The following RIMS1 variants were observed in gnomAD, a reference collection of about 807,000 sequenced individuals.
RIMS1 encodes regulating synaptic membrane exocytosis 1, also known as regulating synaptic membrane exocytosis protein 1.
RIMS1 carries 83 observed loss-of-function variants against 214.1 expected under a neutral mutation model. The ratio of observed to expected loss-of-function variants is 0.39; its 90% CI spans 0.32 to 0.47. The LOEUF is 0.47. RIMS1 is among the 20% of genes least tolerant of loss of function. RIMS1 has a pLI of 0.99. For synonymous variants in RIMS1, 793 were observed against 786.8 expected (o/e 1.01, Z -0.13); for missense variants, 2,050 against 2,161.8 (o/e 0.95, Z 1.03).
At chr6:72,309,098 G>C (rs79847700) in intron 27 of RIMS1, among the ~76,000 whole-genome samples, 14,705 of 152,112 alleles carry the variant, frequency 0.097, 839 homozygotes, top group Non-Finnish European at 0.14. Context: ...AGGAGAGGTA[G>C]AGCCAGTATA....
chr6:72,266,063 A>G lies in RIMS1; in HGVS notation c.3398+14A>G. 1 of 1,534,534 alleles carries G rather than the reference A, an allele frequency of 6.5e-7. No homozygotes were observed. The highest frequency in any genetic ancestry group is 1.2e-5 in the South Asian group (1 of 83,986). The stretch of plus-strand genomic sequence containing the variant: ...AGAACGAGAAAGGTATAAAATAAAG[A>G]CTTTCTTAATTTCTTATCATTTGTA... On this transcript the variant is annotated intron_variant, in intron 22 of 33. Transcript: ENST00000521978.
intron 5 of RIMS1, among the ~76,000 whole-genome samples, chr6:72,181,663 T>C (rs916178044): frequency 2.0e-5 from 3 of 152,146 alleles, no homozygotes; most frequent in Non-Finnish European, 4.4e-5. Context: ...AATGAGGAAT[T>C]GGGAAGTACA....
chr6:72,237,943 A>C (rs754824808), intron 9 of RIMS1, 21 bp downstream of exon 9: 8 of 1,541,560 alleles, frequency 5.2e-6, no homozygotes, highest in Non-Finnish European at 7.1e-6. Flanking sequence ...TTTTTTTAAT[A>C]TTTAAACAGT....
chr6:72,377,935 T>C (rs2098419503), intron 29 of RIMS1, among the ~76,000 whole-genome samples: 1 of 151,788 alleles, frequency 6.6e-6, no homozygotes, highest in African/African-American at 2.4e-5. Flanking sequence ...TTCTAAGTGT[T>C]TACCTCACCC....
intron 1 of RIMS1, among the ~76,000 whole-genome samples, chr6:71,954,903 G>A (rs2151177949): frequency 6.7e-6 from 1 of 148,712 alleles, no homozygotes; most frequent in African/African-American, 2.5e-5. Flanking sequence ...ACCTAGAGGT[G>A]ACTACTTTCT....
chr6:72,108,918 T>G (rs1053245402), intron 4 of RIMS1, among the ~76,000 whole-genome samples: 2 of 146,522 alleles, frequency 1.4e-5, no homozygotes, highest in Non-Finnish European at 3.0e-5. Flanking sequence ...TTCTCATTGT[T>G]CAGTTCCTAC....
chr6:72,099,399 A>G (rs2032946540), intron 3 of RIMS1, among the ~76,000 whole-genome samples: 2 of 152,186 alleles, frequency 1.3e-5, no homozygotes, highest in African/African-American at 4.8e-5. Context: ...AGACAAAAAC[A>G]TTGTATAAAG....
chr6:72,072,038 T>G (rs1179234884), intron 2 of RIMS1, among the ~76,000 whole-genome samples: 1 of 152,164 alleles, frequency 6.6e-6, no homozygotes, highest in Non-Finnish European at 1.5e-5. Context: ...TACTAATTAT[T>G]GTAAAGATGG....
At chr6:72,135,793 T>G (rs898419680) in intron 4 of RIMS1, among the ~76,000 whole-genome samples, 1 of 152,166 alleles carries the variant, frequency 6.6e-6, no homozygotes, top group Non-Finnish European at 1.5e-5. Context: ...ATTCTGCACA[T>G]GTGTAAGATG....
At chr6:72,211,193 C>G (rs2463731) in intron 6 of RIMS1, among the ~76,000 whole-genome samples, 80,519 of 151,966 alleles carry the variant, frequency 0.53, 23,185 homozygotes, top group East Asian at 0.83. Context: ...TATATTTGCC[C>G]TCTTCTGTCC....
chr6:72,217,920 C>T (rs375294902), intron 6 of RIMS1, among the ~76,000 whole-genome samples: 4 of 152,076 alleles, frequency 2.6e-5, no homozygotes, highest in African/African-American at 9.7e-5. Flanking sequence ...CCCCTTCTGG[C>T]CCTTGTTTCC....
intron 26 of RIMS1, among the ~76,000 whole-genome samples, chr6:72,299,271 A>G (rs2094394942): frequency 6.6e-6 from 1 of 151,948 alleles, no homozygotes; most frequent in Non-Finnish European, 1.5e-5. Context: ...CTTGGAAGCA[A>G]TTTTGAATCA....
chr6:72,283,052 C>T (rs1055282978), intron 23 of RIMS1, among the ~76,000 whole-genome samples: 12 of 151,768 alleles, frequency 7.9e-5, no homozygotes, highest in African/African-American at 2.9e-4. Context: ...TTGGTATATA[C>T]TAGATACTTA....
At chr6:72,256,573 G>T (rs2075963136) in intron 16 of RIMS1, among the ~76,000 whole-genome samples, 1 of 151,788 alleles carries the variant, frequency 6.6e-6, no homozygotes, top group South Asian at 2.1e-4. Context: ...TCTCGAAATA[G>T]GGCTCATAAG....
At chr6:72,012,308 C>T (rs1214603636) in intron 2 of RIMS1, among the ~76,000 whole-genome samples, 1 of 151,834 alleles carries the variant, frequency 6.6e-6, no homozygotes, top group South Asian at 2.1e-4. Context: ...GGAAGGGGAA[C>T]ATGACACACT....
intron 4 of RIMS1, among the ~76,000 whole-genome samples, chr6:72,108,710 A>T (rs563545063): frequency 1.3e-4 from 19 of 151,336 alleles, no homozygotes; most frequent in Admixed American, 3.9e-4. Context: ...TTATTTTATT[A>T]TTATTATACT....
intron 2 of RIMS1, among the ~76,000 whole-genome samples, chr6:72,086,208 T>C (rs1176162656): frequency 6.6e-6 from 1 of 152,150 alleles, no homozygotes; most frequent in Non-Finnish European, 1.5e-5. Flanking sequence ...CAAAAAGCGT[T>C]GAAGGAGACG....
At chr6:72,300,095 A>G (rs1057234697) in intron 26 of RIMS1, among the ~76,000 whole-genome samples, 8 of 151,672 alleles carry the variant, frequency 5.3e-5, no homozygotes, top group South Asian at 2.1e-4. Context: ...TTTTGGCACA[A>G]TCTCATAAAT....
chr6:72,055,808 C>T (rs1182019510), intron 2 of RIMS1, among the ~76,000 whole-genome samples: 1 of 152,130 alleles, frequency 6.6e-6, no homozygotes, highest in African/African-American at 2.4e-5. Context: ...TTATGAACTA[C>T]TGGTGGAAAT....
Sources: gnomAD v4.1 joint callset for allele counts (sites outside exome capture counted in the v4.1 genomes callset) on GRCh38, gnomAD v4.1.1 for gene constraint, MANE v1.5 for transcripts, NCBI Gene and HGNC (gene_info 2026-07-23, HGNC 2026-07-21) for gene names.